CTXND2: variants seen among roughly 807,000 people sequenced by gnomAD.
CTXND2 encodes the protein cortexin domain containing 2.
At chr1:150,887,900 T>C (rs922896407) in intron 1 of CTXND2, among the ~76,000 whole-genome samples, 3 of 151,982 alleles carry the variant, frequency 2.0e-5, no homozygotes, top group Admixed American at 6.6e-5. Flanking sequence ...GAACTGAAAG[T>C]GGAATTGATG....
intron 1 of CTXND2, among the ~76,000 whole-genome samples, chr1:150,900,525 C>T (rs923145507): frequency 6.6e-5 from 10 of 152,132 alleles, no homozygotes; most frequent in African/African-American, 2.4e-4. Context: ...TGGTAGGCAC[C>T]TGTAATCCCA....
intron 1 of CTXND2, among the ~76,000 whole-genome samples, chr1:150,911,644 G>C (rs1422239601): frequency 6.6e-6 from 1 of 151,772 alleles, no homozygotes; most frequent in Non-Finnish European, 1.5e-5. Flanking sequence ...TGTTGTCCAG[G>C]CTGTTCTCGA....
chr1:150,901,205 ATTC>A (rs75741611), intron 1 of CTXND2, among the ~76,000 whole-genome samples: 66,872 of 151,880 alleles, frequency 0.44, 15,769 homozygotes, highest in Non-Finnish European at 0.54. Context: ...TGCAAAATGT[ATTC>A]TTTGGAAGCT....
chr1:150,910,330 A>G (rs587767896), intron 1 of CTXND2, among the ~76,000 whole-genome samples: 6 of 137,348 alleles, frequency 4.4e-5, no homozygotes, highest in African/African-American at 1.3e-4. Context: ...GGGTTTCGCC[A>G]TGTTGGCCAG....
chr1:150,910,164 C>T (rs55972172), intron 1 of CTXND2, among the ~76,000 whole-genome samples: 13,051 of 124,872 alleles, frequency 0.1, 782 homozygotes, highest in Middle Eastern at 0.2. Flanking sequence ...GGGTCTCCAT[C>T]TGTCACCCAG....
At chr1:150,889,269 G>A (rs962512141) in intron 1 of CTXND2, among the ~76,000 whole-genome samples, 5 of 151,648 alleles carry the variant, frequency 3.3e-5, no homozygotes, top group Non-Finnish European at 5.9e-5. Context: ...GCGTGGCAGC[G>A]GGCACCTGTA....
chr1:150,895,367 G>A (rs924508929), intron 1 of CTXND2, among the ~76,000 whole-genome samples: 7 of 150,514 alleles, frequency 4.7e-5, no homozygotes, highest in African/African-American at 1.2e-4. Flanking sequence ...TTTGTGTGAC[G>A]AAGTCTCTTT....
At chr1:150,900,548 A>G (rs1668996141) in intron 1 of CTXND2, among the ~76,000 whole-genome samples, 1 of 152,130 alleles carries the variant, frequency 6.6e-6, no homozygotes, top group Admixed American at 6.6e-5. Flanking sequence ...TATTTGGGAA[A>G]CAGGCTGGAG....
intron 1 of CTXND2, among the ~76,000 whole-genome samples, chr1:150,906,531 A>G (rs1409560011): frequency 6.6e-6 from 1 of 152,188 alleles, no homozygotes; most frequent in East Asian, 1.9e-4. Context: ...TTTAAACTGT[A>G]GAACCTGCCA....
chr1:150,900,829 A>G (rs1301428453), intron 1 of CTXND2, among the ~76,000 whole-genome samples: 2 of 152,202 alleles, frequency 1.3e-5, no homozygotes, highest in Non-Finnish European at 2.9e-5. Context: ...AAAATATATA[A>G]CTGTTAAAAA....
At chr1:150,905,550 G>A (rs1558001817) in intron 1 of CTXND2, among the ~76,000 whole-genome samples, 3 of 152,120 alleles carry the variant, frequency 2.0e-5, no homozygotes, top group Admixed American at 6.6e-5. Flanking sequence ...CCAGAATTGT[G>A]GTCAAGTCTT....
At chr1:150,907,385 C>G (rs1669167905) in intron 1 of CTXND2, among the ~76,000 whole-genome samples, 1 of 152,170 alleles carries the variant, frequency 6.6e-6, no homozygotes, top group Admixed American at 6.6e-5. Context: ...ATAGATTTCT[C>G]TATTCTAGAC....
intron 1 of CTXND2, among the ~76,000 whole-genome samples, chr1:150,900,254 C>G (rs867509606): frequency 4.0e-5 from 6 of 151,840 alleles, no homozygotes; most frequent in Admixed American, 6.6e-5. Context: ...ACGAACCCAC[C>G]GAGAGGAACG....
chr1:150,909,449 TG>T (rs1342001148), intron 1 of CTXND2, among the ~76,000 whole-genome samples: 1 of 151,784 alleles, frequency 6.6e-6, no homozygotes, highest in African/African-American at 2.4e-5. Flanking sequence ...CCCAGCTACT[TG>T]GAAGGTTGAG....
chr1:150,908,511 C>T (rs973466494), intron 1 of CTXND2, among the ~76,000 whole-genome samples: 1 of 152,142 alleles, frequency 6.6e-6, no homozygotes, highest in Non-Finnish European at 1.5e-5. Flanking sequence ...TGACTAATTA[C>T]GTTGACCATT....
chr1:150,911,035 A>T (rs918778556), intron 1 of CTXND2, among the ~76,000 whole-genome samples: 13 of 151,358 alleles, frequency 8.6e-5, no homozygotes, highest in African/African-American at 1.5e-4. Flanking sequence ...CGATCTCCTG[A>T]CCTCATAATC....
At chr1:150,903,779 C>T (rs979895317) in intron 1 of CTXND2, 54 of 378,274 alleles carry the variant, frequency 1.4e-4, no homozygotes, top group Non-Finnish European at 2.0e-4. Flanking sequence ...CCAGCCTGAG[C>T]GACAGTGTGA....
intron 1 of CTXND2, among the ~76,000 whole-genome samples, chr1:150,889,693 G>A (rs752716354): frequency 1.3e-5 from 2 of 151,862 alleles, no homozygotes; most frequent in South Asian, 2.1e-4. Flanking sequence ...TACTTTTTAC[G>A]CACTCTTGCC....
chr1:150,903,800 C>CAAA (rs752462474), intron 1 of CTXND2: 74 of 333,212 alleles, frequency 2.2e-4, no homozygotes, highest in South Asian at 4.5e-4. Flanking sequence ...AACTCCGTCT[C>CAAA]AAAAAAAAAA....
Sources: allele counts gnomAD v4.1 joint callset (sites outside exome capture counted in the v4.1 genomes callset), GRCh38; gene constraint gnomAD v4.1.1; transcripts MANE v1.5; gene names NCBI Gene and HGNC (gene_info 2026-07-23, HGNC 2026-07-21).